Variants in DTHD1 observed in about 807,000 individuals in gnomAD.
DTHD1 encodes death domain containing 1.
In DTHD1, 59 loss-of-function variants were observed where a neutral mutation model predicts 74.8. The observed-to-expected ratio is 0.79, with a 90% CI of 0.64 to 0.98. DTHD1 has a LOEUF of 0.98. DTHD1 is among the 50% of genes least tolerant of loss of function. The pLI is 0.00. For synonymous variants in DTHD1, 365 were observed against 371.1 expected, an observed-to-expected ratio of 0.98 and a Z score of 0.19; for missense variants, 1,051 against 1,065.4, an observed-to-expected ratio of 0.99 and a Z score of 0.19.
intron 7 of DTHD1, among the ~76,000 whole-genome samples, chr4:36,310,993 C>A (rs1166441500): frequency 2.0e-5 from 3 of 152,066 alleles, no homozygotes; most frequent in African/African-American, 4.8e-5. Context: ...AGGGTCCCAC[C>A]CAAACGAATG....
chr4:36,300,886 T>A (rs1327624530), intron 5 of DTHD1, among the ~76,000 whole-genome samples: 1 of 152,254 alleles, frequency 6.6e-6, no homozygotes, highest in Non-Finnish European at 1.5e-5. Flanking sequence ...TGTGTTAAAC[T>A]TGGAGGTAGT....
intron 5 of DTHD1, among the ~76,000 whole-genome samples, chr4:36,303,702 A>G (rs1332491540): frequency 1.3e-5 from 2 of 152,220 alleles, no homozygotes; most frequent in African/African-American, 4.8e-5. Context: ...GATCACTGGA[A>G]CCGGAAGACA....
At chr4:36,313,163 T>A (rs1455342897) in intron 7 of DTHD1, among the ~76,000 whole-genome samples, 4 of 152,202 alleles carry the variant, frequency 2.6e-5, no homozygotes, top group African/African-American at 9.7e-5. Context: ...TAATGCCCAT[T>A]ATTGAGAAGA....
intron 2 of DTHD1, among the ~76,000 whole-genome samples, chr4:36,286,297 G>T (rs1455558630): frequency 1.3e-5 from 2 of 152,174 alleles, no homozygotes; most frequent in Non-Finnish European, 2.9e-5. Context: ...ATGAGTCATT[G>T]CCTGAACTAC....
At chr4:36,342,124 T>C (rs1443329170) in intron 9 of DTHD1, among the ~76,000 whole-genome samples, 1 of 152,190 alleles carries the variant, frequency 6.6e-6, no homozygotes, top group African/African-American at 2.4e-5. Flanking sequence ...GGGCTGCTGA[T>C]GAAGTTGCCT....
chr4:36,284,696 A>T, intron 2 of DTHD1, 105 bp downstream of exon 2: 2 of 899,864 alleles, frequency 2.2e-6, no homozygotes, highest in Non-Finnish European at 3.2e-6. Context: ...ACAAAACATC[A>T]TAAAGTGAGT....
intron 9 of DTHD1, 30 bp downstream of exon 9, chr4:36,339,199 A>G (rs1759178889): frequency 1.4e-6 from 2 of 1,467,684 alleles, no homozygotes; most frequent in African/African-American, 2.8e-5. Flanking sequence ...TCATCATTAT[A>G]GTGCTTCCCC....
intron 9 of DTHD1, among the ~76,000 whole-genome samples, chr4:36,340,615 T>C (rs557909571): frequency 1.3e-5 from 2 of 152,342 alleles, no homozygotes; most frequent in African/African-American, 2.4e-5. Context: ...CCATCATTGA[T>C]TATTCTGATT....
chr4:36,326,833 C>A (rs1446425847), intron 8 of DTHD1, among the ~76,000 whole-genome samples: 3 of 152,176 alleles, frequency 2.0e-5, no homozygotes, highest in Non-Finnish European at 4.4e-5. Flanking sequence ...TGTGGCAAGA[C>A]CTGGGAGGGT....
chr4:36,284,124 A>G lies in DTHD1; in HGVS notation c.420A>G (p.Gln140=), dbSNP rs1205220689. 1.3e-6 allele frequency: 2 copies of G among 1,537,270 alleles called. No individual in the cohort carries two copies. Among genetic ancestry groups the G allele is most frequent in the South Asian group, 2.4e-5 (2 of 84,062 alleles). Residue 140 remains glutamine (Q), a synonymous_variant, in exon 2 of 10, where the codon CAA becomes CAG. Coordinates refer to ENST00000639862, the MANE Select transcript of DTHD1 (RefSeq NM_001170700.3). ...CTPQQTMSSI[Q]DTKAADIAAR... is the part of the protein sequence containing the mutation. ...CACAGCAGACAATGTCCTCCATTCA[A>G]GATACCAAAGCAGCAGACATTGCTG...
chr4:36,309,552 C>A (rs987964580), intron 7 of DTHD1, among the ~76,000 whole-genome samples: 2 of 152,200 alleles, frequency 1.3e-5, no homozygotes, highest in Non-Finnish European at 2.9e-5. Context: ...TATAGTTATG[C>A]TATGTCCTTT....
chr4:36,336,408 TG>T (rs1226711817), intron 8 of DTHD1, among the ~76,000 whole-genome samples: 2 of 152,148 alleles, frequency 1.3e-5, no homozygotes, highest in Admixed American at 1.3e-4. Flanking sequence ...TGCTAGCACT[TG>T]GGGGAATGGC....
chr4:36,323,340 T>G lies in DTHD1; in HGVS notation c.2340+6854T>G, dbSNP rs115932598. Among the ~76,000 whole-genome samples the G allele has an allele frequency of 5.2e-3, 789 of 152,292 alleles. 5 individuals carry two copies. The highest frequency in any genetic ancestry group is 6.8e-3 in the South Asian group (33 of 4,832). Reference sequence around the variant, plus strand: ...GTCAGAATCGCCACTTTCACCACTTTGGATTTCATTACCATCTCACTGCTC... The same window carrying G: ...GTCAGAATCGCCACTTTCACCACTTGGGATTTCATTACCATCTCACTGCTC... On this transcript the variant is annotated intron_variant, in intron 8 of 9. Coordinates refer to ENST00000639862, the MANE Select transcript of DTHD1 (RefSeq NM_001170700.3).
intron 5 of DTHD1, among the ~76,000 whole-genome samples, chr4:36,305,528 G>A (rs980324248): frequency 5.9e-5 from 9 of 152,084 alleles, no homozygotes; most frequent in Admixed American, 2.6e-4. Flanking sequence ...TCACAACATC[G>A]CAACACGTGG....
chr4:36,340,458 G>C (rs1759253598), intron 9 of DTHD1, among the ~76,000 whole-genome samples: 1 of 152,144 alleles, frequency 6.6e-6, no homozygotes, highest in African/African-American at 2.4e-5. Context: ...CTCGGAGTTA[G>C]GAACATTAGG....
chr4:36,306,443 T>C (rs2109494248), intron 6 of DTHD1, 91 bp downstream of exon 6: 1 of 1,286,562 alleles, frequency 7.8e-7, no homozygotes, highest in Non-Finnish European at 1.0e-6. Flanking sequence ...GATTAAATTT[T>C]TATTCTTCGA....
Position 36,307,294 on chromosome 4 carries a change from C to T in DTHD1, c.1806-910C>T, listed in dbSNP as rs114991066. Among the ~76,000 whole-genome samples, 1,393 of 152,262 alleles carry T rather than the reference C, an allele frequency of 9.1e-3. 38 individuals are homozygous for T. Among genetic ancestry groups the T allele is most frequent in the Admixed American group, 0.051 (784 of 15,294 alleles). ...AGGCCAGAAGTACAAAATCAAGGTGCTAGCAGGGTTTGTTCCTTCCAAGGG... is the reference window on the plus strand; with the variant it reads ...AGGCCAGAAGTACAAAATCAAGGTGTTAGCAGGGTTTGTTCCTTCCAAGGG... On this transcript the variant is annotated intron_variant, in intron 6 of 9. Transcript: ENST00000639862.
chr4:36,343,218 A>G (rs992655243), intron 9 of DTHD1, among the ~76,000 whole-genome samples: 1 of 152,222 alleles, frequency 6.6e-6, no homozygotes, highest in Non-Finnish European at 1.5e-5. Flanking sequence ...CATGTAGAGC[A>G]GAGCGTAAAA....
chr4:36,338,534 A>C (rs1386802956), intron 8 of DTHD1, among the ~76,000 whole-genome samples: 1 of 151,370 alleles, frequency 6.6e-6, no homozygotes, highest in African/African-American at 2.4e-5. Flanking sequence ...AGGGATCTGA[A>C]CCCAGATAAT....
Sources: gnomAD v4.1 joint callset for allele counts (sites outside exome capture counted in the v4.1 genomes callset) on GRCh38, gnomAD v4.1.1 for gene constraint, MANE v1.5 for transcripts, NCBI Gene and HGNC (gene_info 2026-07-23, HGNC 2026-07-21) for gene names.